Variants in SPMAP2L observed in about 807,000 individuals in gnomAD.
The protein encoded by SPMAP2L is sperm microtubule associated protein 2 like, also known as sperm microtubule associated protein 2-like.
chr4:56,551,934 G>C, the SPMAP2L span, among the ~76,000 whole-genome samples: 1 of 152,124 alleles, frequency 6.6e-6, no homozygotes, highest in African/African-American at 2.4e-5. Flanking sequence ...GCTCTTATGT[G>C]GTACCCAGTA....
chr4:56,556,562 A>G, the SPMAP2L span, among the ~76,000 whole-genome samples: 1 of 152,240 alleles, frequency 6.6e-6, no homozygotes, highest in Non-Finnish European at 1.5e-5. Flanking sequence ...GGGATTTGCC[A>G]GTATTTAGTA....
chr4:56,616,857 T>A, the SPMAP2L span, among the ~76,000 whole-genome samples: 1 of 152,244 alleles, frequency 6.6e-6, no homozygotes, highest in Non-Finnish European at 1.5e-5. Flanking sequence ...CATGTTCCTT[T>A]GTTAATCTAC....
the SPMAP2L span, among the ~76,000 whole-genome samples, chr4:56,606,212 C>T: frequency 6.6e-6 from 1 of 152,192 alleles, no homozygotes; most frequent in Non-Finnish European, 1.5e-5. Context: ...TACAGGAAGA[C>T]ATTCCAAGTA....
the SPMAP2L span, chr4:56,601,240 C>T: frequency 8.1e-5 from 75 of 925,768 alleles, no homozygotes; most frequent in Admixed American, 1.5e-4. Context: ...TCTTACTTAA[C>T]GAATTACATT....
the SPMAP2L span, chr4:56,594,332 A>G: frequency 6.6e-7 from 1 of 1,519,212 alleles, no homozygotes; most frequent in African/African-American, 1.4e-5. Flanking sequence ...GGGATCCTGC[A>G]CCATGAAACT....
chr4:56,543,284 C>T, the SPMAP2L span, among the ~76,000 whole-genome samples: 2 of 152,074 alleles, frequency 1.3e-5, no homozygotes, highest in African/African-American at 2.4e-5. Flanking sequence ...GGAGTTTCAC[C>T]GTGTTAGCCA....
the SPMAP2L span, among the ~76,000 whole-genome samples, chr4:56,574,383 C>A: frequency 6.6e-6 from 1 of 151,646 alleles, no homozygotes; most frequent in Non-Finnish European, 1.5e-5. Flanking sequence ...TGTGCCACTG[C>A]ACTTCAGCCT....
the SPMAP2L span, among the ~76,000 whole-genome samples, chr4:56,556,387 G>A: frequency 1.3e-5 from 2 of 152,160 alleles, no homozygotes; most frequent in Non-Finnish European, 2.9e-5. Flanking sequence ...TTAGAAATAA[G>A]GTAGAAAATG....
chr4:56,566,113 A>C, the SPMAP2L span, among the ~76,000 whole-genome samples: 1 of 152,304 alleles, frequency 6.6e-6, no homozygotes, highest in East Asian at 1.9e-4. Flanking sequence ...TGAGGTTTAA[A>C]GCTACCAACT....
chr4:56,584,547 C>T, the SPMAP2L span: 2 of 1,535,312 alleles, frequency 1.3e-6, no homozygotes, highest in African/African-American at 1.4e-5. Flanking sequence ...TCTGATCCTT[C>T]TCCCCGGATA....
At chr4:56,613,861 C>T in the SPMAP2L span, among the ~76,000 whole-genome samples, 180 of 152,330 alleles carry the variant, frequency 1.2e-3, no homozygotes, top group East Asian at 0.012. Flanking sequence ...ACCACTTGAT[C>T]TGTGTATTTG....
At chr4:56,617,732 A>T in the SPMAP2L span, among the ~76,000 whole-genome samples, 3 of 152,146 alleles carry the variant, frequency 2.0e-5, no homozygotes, top group African/African-American at 7.2e-5. Flanking sequence ...GGATTTTTGT[A>T]TCCCAGGGTT....
chr4:56,541,031 A>G, the SPMAP2L span, among the ~76,000 whole-genome samples: 1 of 152,198 alleles, frequency 6.6e-6, no homozygotes, highest in Non-Finnish European at 1.5e-5. Flanking sequence ...GGAGTTAGGA[A>G]ACTTGTGATT....
chr4:56,595,157 T>C, the SPMAP2L span: 14 of 1,611,462 alleles, frequency 8.7e-6, no homozygotes, highest in Admixed American at 1.2e-4. Flanking sequence ...GAAACTGCGA[T>C]ATTAAATGCC....
the SPMAP2L span, among the ~76,000 whole-genome samples, chr4:56,587,184 T>C: frequency 1.3e-5 from 2 of 152,208 alleles, no homozygotes; most frequent in Non-Finnish European, 2.9e-5. Context: ...TTTATAAATT[T>C]ACCTTTTACA....
chr4:56,530,910 G>A, the SPMAP2L span: 13 of 1,535,056 alleles, frequency 8.5e-6, no homozygotes, highest in Non-Finnish European at 1.1e-5. Context: ...AATGTGATGA[G>A]CCTCATGAGT....
chr4:56,601,191 G>A, the SPMAP2L span: 1 of 1,306,444 alleles, frequency 7.7e-7, no homozygotes, highest in African/African-American at 1.5e-5. Flanking sequence ...TAAGGCAAAT[G>A]AAAAGAGTTG....
chr4:56,611,462 A>C, the SPMAP2L span, among the ~76,000 whole-genome samples: 1 of 152,176 alleles, frequency 6.6e-6, no homozygotes, highest in African/African-American at 2.4e-5. Flanking sequence ...AAAAGACTAC[A>C]AATCAGGTTC....
the SPMAP2L span, among the ~76,000 whole-genome samples, chr4:56,563,072 A>G: frequency 6.7e-6 from 1 of 149,510 alleles, no homozygotes; most frequent in African/African-American, 2.5e-5. Context: ...GCATCTAAAG[A>G]TAAGAAGGTT....
Sources: allele counts gnomAD v4.1 joint callset (sites outside exome capture counted in the v4.1 genomes callset), GRCh38; gene constraint gnomAD v4.1.1; transcripts MANE v1.5; gene names NCBI Gene and HGNC (gene_info 2026-07-23, HGNC 2026-07-21).